Variants in ANKRD30A observed in about 807,000 individuals in gnomAD.
ANKRD30A encodes ankyrin repeat domain 30A.
A neutral mutation model predicts 166.3 loss-of-function variants in ANKRD30A; 170 were observed. That is an observed-to-expected ratio of 1.02 (90% confidence interval 0.90 to 1.16). The LOEUF is 1.16. ANKRD30A is among the 50% of genes most tolerant of loss of function. ANKRD30A has a pLI of 0.00. For missense variants in ANKRD30A, 1,630 were observed against 1,518.0 expected (o/e 1.07, Z -1.23); for synonymous variants, 564 against 508.9 (o/e 1.11, Z -1.46).
the ANKRD30A span, among the ~76,000 whole-genome samples, chr10:37,238,342 GTTA>G: frequency 6.6e-6 from 1 of 152,044 alleles, no homozygotes; most frequent in Non-Finnish European, 1.5e-5. Context: ...TTTAAATTTT[GTTA>G]TTATTATACT....
At chr10:37,257,311 G>T in the ANKRD30A span, among the ~76,000 whole-genome samples, 1 of 147,842 alleles carries the variant, frequency 6.8e-6, no homozygotes. Context: ...CTAGCTAGTG[G>T]TCCATCTCTT....
chr10:37,183,974 C>G (rs556535967), intron 24 of ANKRD30A, among the ~76,000 whole-genome samples: 27 of 151,686 alleles, frequency 1.8e-4, no homozygotes, highest in African/African-American at 6.5e-4. Context: ...CGGTGAAACC[C>G]TGTCTCTACT....
In ANKRD30A at chr10:37,146,338, G is replaced by A. The variant is rs118004297; in HGVS notation, c.1456-1032G>A. 7.4e-3 allele frequency among the ~76,000 whole-genome samples: 1,124 copies of A among 152,322 alleles called. 5 individuals carry two copies. Among genetic ancestry groups the A allele is most frequent in the Middle Eastern group, 0.027 (8 of 294 alleles). ...TAAAGCAGCTTCTACAATGTTCTGA[G>A]TGCACTTTATATGACTTATTCTTAA... On this transcript the variant is annotated intron_variant, in intron 8 of 35. Coordinates refer to ENST00000361713, the MANE Select transcript of ANKRD30A (RefSeq NM_052997.3).
chr10:37,221,690 T>G (rs1474412460), intron 34 of ANKRD30A, among the ~76,000 whole-genome samples: 3 of 151,294 alleles, frequency 2.0e-5, no homozygotes, highest in Non-Finnish European at 4.4e-5. Flanking sequence ...CTCATAATAT[T>G]TACCCTTAAG....
In ANKRD30A at chr10:37,165,174, T is replaced by C. The variant is rs367830935; in HGVS notation, c.2064+19T>C. On this transcript the variant is annotated intron_variant, in intron 18 of 35. Coordinates refer to ENST00000361713, the MANE Select transcript of ANKRD30A (RefSeq NM_052997.3). ...TACTGAGGTACTGTGTGTTGTTGAT[T>C]TTTTTAAATATTAGTATTGCATGAT... 1.0e-4 allele frequency: 163 copies of C among 1,589,040 alleles called. No individual in the cohort carries two copies. Among genetic ancestry groups the C allele is most frequent in the Non-Finnish European group, 1.3e-4 (155 of 1,158,262 alleles).
chr10:37,156,578 T>A (rs1447183617), intron 13 of ANKRD30A, among the ~76,000 whole-genome samples: 1 of 152,316 alleles, frequency 6.6e-6, no homozygotes, highest in East Asian at 1.9e-4. Context: ...TTATCTTGTC[T>A]TAGAAAATTT....
At chr10:37,220,270 A>G (rs894217234) in intron 34 of ANKRD30A, among the ~76,000 whole-genome samples, 6 of 150,794 alleles carry the variant, frequency 4.0e-5, no homozygotes, top group Non-Finnish European at 8.9e-5. Context: ...ACCACAATGA[A>G]GCAGATGAAT....
At chr10:37,127,327 A>C (rs1836105308) in intron 1 of ANKRD30A, among the ~76,000 whole-genome samples, 1 of 152,078 alleles carries the variant, frequency 6.6e-6, no homozygotes. Context: ...CAAAATGATA[A>C]AAATACCGGA....
At chr10:37,179,008 C>G (rs372657690) in intron 24 of ANKRD30A, among the ~76,000 whole-genome samples, 1 of 122,104 alleles carries the variant, frequency 8.2e-6, no homozygotes, top group African/African-American at 3.1e-5. Flanking sequence ...TACTATGAGG[C>G]GTCAAATATA....
intron 27 of ANKRD30A, among the ~76,000 whole-genome samples, chr10:37,195,389 A>G (rs544520493): frequency 1.0e-3 from 153 of 152,206 alleles, no homozygotes; most frequent in Non-Finnish European, 2.0e-3. Flanking sequence ...ATCTGTTTAC[A>G]TGGGAAGAAG....
At chr10:37,265,219 CATCAACCG>C in the ANKRD30A span, among the ~76,000 whole-genome samples, 1 of 152,044 alleles carries the variant, frequency 6.6e-6, no homozygotes. Context: ...GAGATTCAGC[CATCAACCG>C]TGATGAACTG....
At chr10:37,240,399 A>G in the ANKRD30A span, among the ~76,000 whole-genome samples, 8 of 152,146 alleles carry the variant, frequency 5.3e-5, no homozygotes, top group African/African-American at 1.9e-4. Context: ...ATGCATAGCC[A>G]AACAGTCATA....
intron 34 of ANKRD30A, among the ~76,000 whole-genome samples, chr10:37,220,270 A>C (rs894217234): frequency 6.6e-6 from 1 of 150,794 alleles, no homozygotes; most frequent in African/African-American, 2.4e-5. Flanking sequence ...ACCACAATGA[A>C]GCAGATGAAT....
intron 31 of ANKRD30A, among the ~76,000 whole-genome samples, chr10:37,212,728 A>G (rs569512910): frequency 6.6e-6 from 1 of 152,056 alleles, no homozygotes; most frequent in Admixed American, 6.6e-5. Flanking sequence ...ATCCATGTTG[A>G]GTTAATTTTT....
At chr10:37,183,604 T>C (rs1430551191) in intron 24 of ANKRD30A, among the ~76,000 whole-genome samples, 1 of 147,106 alleles carries the variant, frequency 6.8e-6, no homozygotes, top group Non-Finnish European at 1.5e-5. Flanking sequence ...CTGTGCTCTC[T>C]TTTTCCCTAG....
chr10:37,151,085 T>C (rs1837900740), intron 11 of ANKRD30A, among the ~76,000 whole-genome samples: 1 of 146,674 alleles, frequency 6.8e-6, no homozygotes, highest in African/African-American at 2.5e-5. Context: ...TTAAACTTAC[T>C]TTTGAAAACC....
chr10:37,179,255 G>T (rs1300787084), intron 24 of ANKRD30A, among the ~76,000 whole-genome samples: 1 of 150,874 alleles, frequency 6.6e-6, no homozygotes, highest in Admixed American at 6.6e-5. Context: ...CTGAATTTAT[G>T]ACTTGAATAC....
intron 31 of ANKRD30A, among the ~76,000 whole-genome samples, chr10:37,204,158 A>C (rs566419146): frequency 1.3e-5 from 2 of 152,218 alleles, no homozygotes; most frequent in African/African-American, 4.8e-5. Context: ...ATATGGAACC[A>C]AAAAAGAGCC....
At chr10:37,144,912 G>A in intron 7 of ANKRD30A, 83 bp from the exon 8 acceptor site, 2 of 1,050,424 alleles carry the variant, frequency 1.9e-6, no homozygotes, top group Non-Finnish European at 2.8e-6. Flanking sequence ...ACAGATTCAT[G>A]AATGAAAATA....
Sources: allele counts gnomAD v4.1 joint callset (sites outside exome capture counted in the v4.1 genomes callset), GRCh38; gene constraint gnomAD v4.1.1; transcripts MANE v1.5; gene names NCBI Gene and HGNC (gene_info 2026-07-23, HGNC 2026-07-21).